CTNNA3: variants seen among roughly 807,000 people sequenced by gnomAD.
CTNNA3 encodes the protein catenin alpha-3.
Under a neutral mutation model 95.7 loss-of-function variants are expected in CTNNA3, and 76 were observed. The ratio of observed to expected loss-of-function variants is 0.79; its 90% CI spans 0.66 to 0.96. The LOEUF (loss-of-function observed/expected upper bound fraction) is 0.96, where lower values mean the gene tolerates loss of function less well. Among genes scored for constraint, CTNNA3 ranks in the 40% least tolerant of loss-of-function variants. CTNNA3 has a pLI of 0.00. For synonymous variants in CTNNA3, 431 were observed against 374.4 expected (o/e 1.15, Z -1.74); for missense variants, 1,191 against 1,089.8 (o/e 1.09, Z -1.31).
chr10:66,327,218 T>C (rs761482270), intron 12 of CTNNA3, among the ~76,000 whole-genome samples: 2 of 152,082 alleles, frequency 1.3e-5, no homozygotes, highest in African/African-American at 2.4e-5. Context: ...AAATTAAAAG[T>C]TTAAAAGCCA....
At chr10:66,685,325 G>GTATATATATATA (rs1564617459) in intron 9 of CTNNA3, among the ~76,000 whole-genome samples, 6 of 30,006 alleles carry the variant, frequency 2.0e-4, no homozygotes, top group African/African-American at 8.6e-4. Context: ...GTGTATGTGT[G>GTATATATATATA]TATATATATA....
chr10:66,802,826 G>A (rs1174261561), intron 7 of CTNNA3, among the ~76,000 whole-genome samples: 1 of 151,742 alleles, frequency 6.6e-6, no homozygotes, highest in African/African-American at 2.4e-5. Context: ...GATTGATATA[G>A]CCACGAATGT....
chr10:67,027,392 T>C (rs1486785480), intron 7 of CTNNA3, among the ~76,000 whole-genome samples: 1 of 152,098 alleles, frequency 6.6e-6, no homozygotes, highest in Non-Finnish European at 1.5e-5. Context: ...TAAATACCTA[T>C]ATTTCTGTCA....
chr10:65,967,374 A>G (rs2077994698), intron 16 of CTNNA3, among the ~76,000 whole-genome samples: 1 of 152,200 alleles, frequency 6.6e-6, no homozygotes, highest in Non-Finnish European at 1.5e-5. Context: ...AAATATTTAA[A>G]ATGTAATTAT....
chr10:67,139,915 A>C (rs1860474337), intron 7 of CTNNA3, among the ~76,000 whole-genome samples: 1 of 152,214 alleles, frequency 6.6e-6, no homozygotes, highest in South Asian at 2.1e-4. Flanking sequence ...GAAATCTCTG[A>C]GAAGTATTAA....
intron 5 of CTNNA3, among the ~76,000 whole-genome samples, chr10:67,250,796 TG>T (rs1459071860): frequency 6.6e-6 from 1 of 152,204 alleles, no homozygotes; most frequent in Non-Finnish European, 1.5e-5. Flanking sequence ...CCCACTAAGA[TG>T]GCTATGATAA....
intron 3 of CTNNA3, among the ~76,000 whole-genome samples, chr10:67,589,803 C>G (rs1263181706): frequency 6.6e-6 from 1 of 152,084 alleles, no homozygotes; most frequent in Non-Finnish European, 1.5e-5. Flanking sequence ...ACTAAGCCAC[C>G]TTTCAAGTAA....
At chr10:66,788,185 T>C (rs888697635) in intron 7 of CTNNA3, among the ~76,000 whole-genome samples, 16 of 152,170 alleles carry the variant, frequency 1.1e-4, no homozygotes, top group Admixed American at 9.8e-4. Context: ...GACTTTTATT[T>C]CTTTAATGAC....
intron 17 of CTNNA3, among the ~76,000 whole-genome samples, chr10:65,927,553 T>G (rs960260791): frequency 6.6e-6 from 1 of 152,196 alleles, no homozygotes; most frequent in African/African-American, 2.4e-5. Flanking sequence ...TGGAATTCTA[T>G]GGTATGTAAT....
intron 11 of CTNNA3, among the ~76,000 whole-genome samples, chr10:66,483,524 C>G (rs1313637346): frequency 6.6e-6 from 1 of 152,042 alleles, no homozygotes; most frequent in Non-Finnish European, 1.5e-5. Flanking sequence ...ACTACAATCT[C>G]AAAAATAGGT....
intron 7 of CTNNA3, among the ~76,000 whole-genome samples, chr10:66,877,941 C>T (rs1415157318): frequency 6.6e-6 from 1 of 152,042 alleles, no homozygotes; most frequent in Non-Finnish European, 1.5e-5. Context: ...CTGTTAAAGT[C>T]GCTAAGGCAC....
At chr10:67,344,702 T>C (rs974688380) in intron 5 of CTNNA3, among the ~76,000 whole-genome samples, 3 of 152,098 alleles carry the variant, frequency 2.0e-5, no homozygotes, top group African/African-American at 7.2e-5. Context: ...GTCCCCCTTT[T>C]TCATATGTGA....
intron 7 of CTNNA3, among the ~76,000 whole-genome samples, chr10:67,135,378 A>T (rs1390282975): frequency 6.6e-6 from 1 of 152,182 alleles, no homozygotes; most frequent in Non-Finnish European, 1.5e-5. Context: ...ATGCAGTAAC[A>T]ACAATGGACA....
rs532471912 is a variant in CTNNA3, at chr10:66,331,073, T to G, written c.1732+48079A>C. The stretch of plus-strand genomic sequence containing the variant: ...CTGTGCAGAAGCTCTTTAGTTTAAT[T>G]AGATCCCATTTGTCAATTTTGCTTT... On this transcript the variant is annotated intron_variant, in intron 12 of 17. Transcript: ENST00000433211. Among the ~76,000 whole-genome samples the G allele has an allele frequency of 2.0e-5, 3 of 152,172 alleles. No homozygotes were observed. The South Asian group carries it at 6.2e-4, about 32-fold the overall frequency.
chr10:66,450,184 C>A (rs906980174), intron 11 of CTNNA3, among the ~76,000 whole-genome samples: 4 of 152,142 alleles, frequency 2.6e-5, no homozygotes, highest in Non-Finnish European at 5.9e-5. Context: ...GTGAAAAGGA[C>A]AAGCCATTTT....
intron 13 of CTNNA3, among the ~76,000 whole-genome samples, chr10:66,234,280 T>A (rs980494847): frequency 2.6e-5 from 4 of 152,152 alleles, no homozygotes; most frequent in African/African-American, 7.2e-5. Flanking sequence ...CAAAAATATA[T>A]ATATTTGGTC....
intron 13 of CTNNA3, among the ~76,000 whole-genome samples, chr10:66,189,596 A>C (rs1225864093): frequency 8.6e-6 from 1 of 115,650 alleles, no homozygotes; most frequent in African/African-American, 3.4e-5. Flanking sequence ...TAGTTACTAT[A>C]GATTTATATA....
chr10:67,253,832 G>A (rs1237867328), intron 5 of CTNNA3, among the ~76,000 whole-genome samples: 1 of 152,168 alleles, frequency 6.6e-6, no homozygotes, highest in Admixed American at 6.5e-5. Flanking sequence ...ATGGGCCCAG[G>A]AGGCCCAGAA....
chr10:66,369,053 A>C (rs993042121), intron 12 of CTNNA3, among the ~76,000 whole-genome samples: 2 of 152,132 alleles, frequency 1.3e-5, no homozygotes, highest in Non-Finnish European at 2.9e-5. Context: ...GCAGACAGTA[A>C]AATTAAATGG....
Sources: gnomAD v4.1 joint callset for allele counts (sites outside exome capture counted in the v4.1 genomes callset) on GRCh38, gnomAD v4.1.1 for gene constraint, MANE v1.5 for transcripts, NCBI Gene and HGNC (gene_info 2026-07-23, HGNC 2026-07-21) for gene names.